The following LHFPL6 variants were observed in gnomAD, a reference collection of about 807,000 sequenced individuals.
LHFPL6 encodes LHFPL tetraspan subfamily member 6 protein.
A neutral mutation model predicts 20.6 loss-of-function variants in LHFPL6; 9 were observed. The ratio of observed to expected loss-of-function variants is 0.44; its 90% confidence interval spans 0.26 to 0.76. The LOEUF is 0.76. Ranked by LOEUF, LHFPL6 falls within the 30% of genes least tolerant of loss-of-function variation. LHFPL6 has a pLI of 0.20. For synonymous variants in LHFPL6, 105 were observed against 98.7 expected (o/e 1.06, Z -0.38); for missense variants, 218 against 253.5 (o/e 0.86, Z 0.95).
At chr13:39,571,033 C>T (rs1485298432) in intron 2 of LHFPL6, among the ~76,000 whole-genome samples, 1 of 152,216 alleles carries the variant, frequency 6.6e-6, no homozygotes, top group Non-Finnish European at 1.5e-5. Flanking sequence ...AAACTAACCA[C>T]TTCATGTAGT....
chr13:39,577,311 T>A (rs975837595), intron 2 of LHFPL6, among the ~76,000 whole-genome samples: 2 of 152,180 alleles, frequency 1.3e-5, no homozygotes, highest in Non-Finnish European at 2.9e-5. Context: ...GAGAAAGCAG[T>A]GTTCCTCCAA....
intron 2 of LHFPL6, among the ~76,000 whole-genome samples, chr13:39,598,287 C>CCT (rs1555270131): frequency 1.3e-5 from 2 of 148,368 alleles, no homozygotes; most frequent in Non-Finnish European, 3.0e-5. Context: ...CTTTTTGAAA[C>CCT]TTTTTTTTTT....
intron 2 of LHFPL6, among the ~76,000 whole-genome samples, chr13:39,387,721 C>T (rs918817107): frequency 6.6e-6 from 1 of 152,120 alleles, no homozygotes; most frequent in African/African-American, 2.4e-5. Context: ...TTCTCCAATG[C>T]CTCCCAAATC....
chr13:39,536,006 A>T (rs1261161585), intron 2 of LHFPL6, among the ~76,000 whole-genome samples: 1 of 152,196 alleles, frequency 6.6e-6, no homozygotes, highest in Non-Finnish European at 1.5e-5. Flanking sequence ...ACTACATAGG[A>T]AAGGAAAAAT....
chr13:39,391,411 C>T (rs1870705125), intron 2 of LHFPL6, among the ~76,000 whole-genome samples: 1 of 152,030 alleles, frequency 6.6e-6, no homozygotes, highest in South Asian at 2.1e-4. Context: ...GAGTATGTTT[C>T]CTCATCAGTT....
chr13:39,510,493 G>T (rs1357404704), intron 2 of LHFPL6, among the ~76,000 whole-genome samples: 1 of 152,196 alleles, frequency 6.6e-6, no homozygotes. Context: ...GCTGCTGCAG[G>T]TGTTTTACTT....
intron 2 of LHFPL6, among the ~76,000 whole-genome samples, chr13:39,391,912 C>CAT (rs1870716732): frequency 6.6e-6 from 1 of 152,188 alleles, no homozygotes; most frequent in South Asian, 2.1e-4. Flanking sequence ...TGACAGACAG[C>CAT]AGTATGGAAG....
Position 39,399,037 on chromosome 13 carries a change from C to A in LHFPL6, c.386-20511G>T, listed in dbSNP as rs983975197. The stretch of plus-strand genomic sequence containing the variant: ...ATCATTCGACACAAGTGTGGCCAAC[C>A]TACCCTACAACTCCAAGTCTTTCCT... On this transcript the variant is annotated intron_variant, in intron 2 of 3. Transcript: ENST00000379589. 3.9e-5 allele frequency among the ~76,000 whole-genome samples: 6 copies of A among 152,298 alleles called. No individual in the cohort carries two copies. In the East Asian group the frequency reaches 1.2e-3, roughly 29 times the overall value.
At chr13:39,447,468 T>C (rs1224416241) in intron 2 of LHFPL6, among the ~76,000 whole-genome samples, 1 of 152,202 alleles carries the variant, frequency 6.6e-6, no homozygotes, top group East Asian at 1.9e-4. Flanking sequence ...ATAGGTAAGA[T>C]CAGACCTGGA....
chr13:39,599,412 T>C (rs1320385771), intron 2 of LHFPL6, among the ~76,000 whole-genome samples: 1 of 152,264 alleles, frequency 6.6e-6, no homozygotes, highest in Non-Finnish European at 1.5e-5. Context: ...CCACTTTCAA[T>C]GACAACTTCT....
chr13:39,440,655 C>T (rs76144767), intron 2 of LHFPL6, among the ~76,000 whole-genome samples: 108 of 152,214 alleles, frequency 7.1e-4, no homozygotes, highest in African/African-American at 2.5e-3. Flanking sequence ...GGCTGAAGAG[C>T]AGTGGTGCAC....
chr13:39,448,552 T>G (rs1253436183), intron 2 of LHFPL6, among the ~76,000 whole-genome samples: 1 of 152,220 alleles, frequency 6.6e-6, no homozygotes, highest in Non-Finnish European at 1.5e-5. Flanking sequence ...CTGTAAACAA[T>G]GTACAACTTA....
intron 2 of LHFPL6, among the ~76,000 whole-genome samples, chr13:39,557,931 T>C (rs1212350108): frequency 6.6e-6 from 1 of 152,180 alleles, no homozygotes; most frequent in African/African-American, 2.4e-5. Flanking sequence ...CTCTCATTCC[T>C]GCTCTGGCCA....
chr13:39,554,463 T>G (rs757430057), intron 2 of LHFPL6, among the ~76,000 whole-genome samples: 119 of 152,240 alleles, frequency 7.8e-4, no homozygotes, highest in Non-Finnish European at 1.4e-3. Flanking sequence ...ACCCCCAGTT[T>G]CCTACAGAAT....
At chr13:39,361,710 C>T (rs1307708203) in intron 3 of LHFPL6, among the ~76,000 whole-genome samples, 1 of 152,112 alleles carries the variant, frequency 6.6e-6, no homozygotes, top group African/African-American at 2.4e-5. Flanking sequence ...CAAACAATAC[C>T]CAGCACAAGG....
chr13:39,474,252 T>C (rs1566119739), intron 2 of LHFPL6, among the ~76,000 whole-genome samples: 2 of 152,238 alleles, frequency 1.3e-5, no homozygotes, highest in Non-Finnish European at 2.9e-5. Flanking sequence ...GAACAAATTG[T>C]CTACTTGTTG....
intron 2 of LHFPL6, among the ~76,000 whole-genome samples, chr13:39,385,705 A>G (rs1353151832): frequency 6.6e-6 from 1 of 152,234 alleles, no homozygotes; most frequent in African/African-American, 2.4e-5. Flanking sequence ...AACTCTTTCT[A>G]TTCAAACACA....
chr13:39,502,517 A>G (rs9603554), intron 2 of LHFPL6, among the ~76,000 whole-genome samples: 47,191 of 151,468 alleles, frequency 0.31, 7,806 homozygotes, highest in Middle Eastern at 0.42. Context: ...GCTACTCAGG[A>G]GGCTGAGGTG....
chr13:39,402,378 C>T (rs1192095626), intron 2 of LHFPL6, among the ~76,000 whole-genome samples: 2 of 152,102 alleles, frequency 1.3e-5, no homozygotes, highest in Non-Finnish European at 2.9e-5. Context: ...GCACGCACCA[C>T]TATGCCTGGC....
Sources: allele counts gnomAD v4.1 joint callset (sites outside exome capture counted in the v4.1 genomes callset), GRCh38; gene constraint gnomAD v4.1.1; transcripts MANE v1.5; gene names NCBI Gene and HGNC (gene_info 2026-07-23, HGNC 2026-07-21).